Variants in MYO7B observed in about 807,000 individuals in gnomAD.
The protein encoded by MYO7B is myosin VIIB.
Under a neutral mutation model 259.7 loss-of-function variants are expected in MYO7B, and 212 were observed. That is an observed-to-expected ratio of 0.82 (90% CI 0.73 to 0.91). MYO7B has a LOEUF of 0.91. Among genes scored for constraint, MYO7B ranks in the 40% least tolerant of loss-of-function variants. The probability of loss-of-function intolerance (pLI) is 0.00; values close to 1 mark genes in which losing one functional copy is unlikely to be tolerated. For missense variants in MYO7B, 2,732 were observed against 2,813.5 expected, an observed-to-expected ratio of 0.97 and a Z score of 0.66; for synonymous variants, 1,197 against 1,166.4, an observed-to-expected ratio of 1.03 and a Z score of -0.54.
intron 2 of MYO7B, among the ~76,000 whole-genome samples, chr2:127,561,179 T>C (rs1678071324): frequency 6.6e-6 from 1 of 152,154 alleles, no homozygotes; most frequent in South Asian, 2.1e-4. Context: ...AAGCAGAGTT[T>C]AGAAAAACAC....
chr2:127,608,773 A>C lies in MYO7B; in HGVS notation c.2709A>C (p.Arg903Ser). The C allele has an allele frequency of 6.2e-7, 1 of 1,613,572 alleles. No homozygotes were observed. Among genetic ancestry groups the C allele is most frequent in the South Asian group, 1.1e-5 (1 of 91,074 alleles). ...GCGCTCTCCCTGCCAAGAAGCGCAG[A>C]TCCATCTACGACACCGTCACTGACA... is the stretch of plus-strand genomic sequence containing the variant. ...SQGALPAKKR[R>S]SIYDTVTDTE... Residue 903 changes from arginine to serine, a missense_variant, in exon 22 of 48, where the codon AGA becomes AGC. Physicochemically the swap from Arg to Ser is moderately radical, Grantham distance 110 (BLOSUM62 -1). Transcript: ENST00000409816.
chr2:127,630,849 T>C lies in MYO7B; in HGVS notation c.4878T>C (p.Pro1626=). ...AQEGQFTEPR[P]EEPPKEKLHT... is the part of the protein sequence containing the mutation. ...AGGGGCAGTTCACAGAGCCACGTCC[T>C]GAGGAGCCACCCAAGGAAAAGCTGC... The change falls in exon 36 of 48, where the codon CCT becomes CCC. Residue 1626 remains proline (P), a synonymous_variant. Coordinates refer to ENST00000409816, the MANE Select transcript of MYO7B (RefSeq NM_001393586.1). 1 of 1,612,306 alleles carries C rather than the reference T, an allele frequency of 6.2e-7. No homozygotes were observed. Among genetic ancestry groups the C allele is most frequent in the Non-Finnish European group, 8.5e-7 (1 of 1,179,378 alleles).
Position 127,584,780 on chromosome 2 carries a change from G to T in MYO7B, c.1557G>T (p.Gly519=). Residue 519 remains glycine, a splice_region_variant and synonymous_variant, in exon 14 of 48, where the codon GGG becomes GGT. Coordinates refer to ENST00000409816, the MANE Select transcript of MYO7B (RefSeq NM_001393586.1). This position sits in a 1 kb window ranked among gnomAD's most constrained non-coding sequence, Gnocchi z 5.8. ...ACAGGGTGTCTGGGTTCTTCCAGGG[G>T]ACAGATCTCACCATGCTGCAAAAGC... ...LLDEESRFPQ[G]TDLTMLQKLN... is the part of the protein sequence containing the mutation. 1 of 1,613,842 alleles carries T rather than the reference G, an allele frequency of 6.2e-7. No individual in the cohort carries two copies. Among genetic ancestry groups the T allele is most frequent in the South Asian group, 1.1e-5 (1 of 91,068 alleles).
Position 127,586,952 on chromosome 2 carries a change from C to T in MYO7B, c.1691-1440C>T, listed in dbSNP as rs1242426729. Among the ~76,000 whole-genome samples the T allele has an allele frequency of 1.3e-5, 2 of 152,054 alleles. No individual in the cohort carries two copies. Among genetic ancestry groups the T allele is most frequent in the African/African-American group, 4.8e-5 (2 of 41,396 alleles). The stretch of plus-strand genomic sequence containing the variant: ...CGAGTGTCCACCCCCTGCCCAGCAC[C>T]CAGTGCAGCCCCCCTGGTGCTGCTC... On this transcript the variant is annotated intron_variant, in intron 14 of 47. Coordinates refer to ENST00000409816, the MANE Select transcript of MYO7B (RefSeq NM_001393586.1). The surrounding 1 kb of genome is among the most constrained non-coding windows in gnomAD (Gnocchi z 4.8).
At chr2:127,593,719 G>A in intron 18 of MYO7B, 75 bp downstream of exon 18, 3 of 1,382,760 alleles carry the variant, frequency 2.2e-6, no homozygotes, top group Non-Finnish European at 3.1e-6. Context: ...ACCAGGCCCG[G>A]GGTCCATGGT....
chr2:127,536,249 C>G (rs926484825), intron 1 of MYO7B, among the ~76,000 whole-genome samples: 2 of 152,220 alleles, frequency 1.3e-5, no homozygotes, highest in African/African-American at 4.8e-5. Context: ...GTGTGACATC[C>G]CACTGCGTCC....
Position 127,636,152 on chromosome 2 carries a change from A to T in MYO7B, c.6007-56A>T. The T allele has an allele frequency of 7.0e-7, 1 of 1,432,392 alleles. No individual in the cohort carries two copies. The highest frequency in any genetic ancestry group is 9.8e-7 in the Non-Finnish European group (1 of 1,025,566). 88.7% of individuals were successfully genotyped at this position (1,432,392 alleles called of 1,614,324 possible). A position where few individuals can be genotyped will look rare whatever the true frequency, so the allele number is the denominator to read the frequency against. The stretch of plus-strand genomic sequence containing the variant: ...GGGGTAGGCAGGTGCTGCCCCCACC[A>T]GGGCTTTGGAGGGCCTCTGGGCACC... On this transcript the variant is annotated intron_variant, in intron 44 of 47. Transcript: ENST00000409816. The surrounding 1 kb of genome is among the most constrained non-coding windows in gnomAD (Gnocchi z 4.5).
intron 1 of MYO7B, among the ~76,000 whole-genome samples, chr2:127,543,457 T>G (rs1435685974): frequency 6.6e-6 from 1 of 152,214 alleles, no homozygotes; most frequent in East Asian, 1.9e-4. Context: ...GGTAGAAGAA[T>G]TTTTCTTAGT....
At chr2:127,563,991 G>A (rs1346812725) in intron 2 of MYO7B, among the ~76,000 whole-genome samples, 162 bp from the exon 3 acceptor site, 1 of 152,200 alleles carries the variant, frequency 6.6e-6, no homozygotes, top group Non-Finnish European at 1.5e-5. Flanking sequence ...AGTGAGCAGG[G>A]AGAAAGAGAG....
chr2:127,606,325 A>G (rs1376160596), intron 20 of MYO7B, among the ~76,000 whole-genome samples: 1 of 152,208 alleles, frequency 6.6e-6, no homozygotes, highest in Non-Finnish European at 1.5e-5. Context: ...GCTAATGAGT[A>G]TCTGCTCAAA....
rs767006997 is a variant in MYO7B, at chr2:127,569,747, AGTC to A, written c.471-39_471-37del. 125 of 1,579,074 alleles carry A rather than the reference AGTC, an allele frequency of 7.9e-5. 1 individual carries two copies. The African/African-American group carries it at 1.6e-3, about 20-fold the overall frequency. On this transcript the variant is annotated intron_variant, in intron 5 of 47. Coordinates refer to ENST00000409816, the MANE Select transcript of MYO7B (RefSeq NM_001393586.1). ...AGAGTTGAGAGGTGTTGAAAAAAATAGTCGTTTTGTGGCATCATGTCCCTGCAC... is the reference window on the plus strand; with the variant it reads ...AGAGTTGAGAGGTGTTGAAAAAAATAGTTTTGTGGCATCATGTCCCTGCAC...
rs1435254334 is a variant in MYO7B at position 127,621,295 on chromosome 2, ACT to A, written c.3526-684_3526-683del. 3.1e-5 allele frequency among the ~76,000 whole-genome samples: 4 copies of A among 130,982 alleles called. No individual in the cohort carries two copies. The East Asian group carries it at 8.7e-4, about 28-fold the overall frequency. The allele number at this position is 130,982 out of a possible 152,430, so 85.9% of individuals were successfully genotyped here. A position where few individuals can be genotyped will look rare whatever the true frequency, so the allele number is the denominator to read the frequency against. On this transcript the variant is annotated intron_variant, in intron 27 of 47. Coordinates refer to ENST00000409816, the MANE Select transcript of MYO7B (RefSeq NM_001393586.1). ...TTTTTTTTTTTTGAGACGGAGTCTC[ACT>A]CTGTCGCCCAGGCCAGAGTGCAGTG...
At chr2:127,602,760 C>T (rs936769741) in intron 19 of MYO7B, among the ~76,000 whole-genome samples, 3 of 152,044 alleles carry the variant, frequency 2.0e-5, no homozygotes, top group African/African-American at 7.2e-5. Context: ...GCACTGTGAC[C>T]GGCTGAGGCA....
Position 127,627,390 on chromosome 2 carries a change from A to AG in MYO7B, c.4460+84dup. On this transcript the variant is annotated intron_variant, in intron 33 of 47. Transcript: ENST00000409816. This position sits in a 1 kb window ranked among gnomAD's most constrained non-coding sequence, Gnocchi z 5.6. ...TGGGGGCTCGGGGAGAGATGGGGAGAGGGGCAGTGTGCCGTCCCGGGTAAC... is the reference window on the plus strand; with the variant it reads ...TGGGGGCTCGGGGAGAGATGGGGAGAGGGGGCAGTGTGCCGTCCCGGGTAAC... 1 of 607,464 alleles carries AG rather than the reference A, an allele frequency of 1.6e-6. No homozygotes were observed. The highest frequency in any genetic ancestry group is 2.5e-6 in the Non-Finnish European group (1 of 402,160). The allele number at this position is 607,464 out of a possible 1,614,324, so 37.6% of individuals were successfully genotyped here. A position where few individuals can be genotyped will look rare whatever the true frequency, so the allele number is the denominator to read the frequency against.
chr2:127,583,606 G>C (rs1452146241), intron 12 of MYO7B, among the ~76,000 whole-genome samples: 4 of 152,252 alleles, frequency 2.6e-5, no homozygotes, highest in Non-Finnish European at 5.9e-5. Context: ...GGGGGTGGTA[G>C]GTGGAGGGGC....
At chr2:127,593,735 T>G in intron 18 of MYO7B, 91 bp downstream of exon 18, 1 of 1,191,488 alleles carries the variant, frequency 8.4e-7, no homozygotes, top group Non-Finnish European at 1.2e-6. Flanking sequence ...ATGGTCCATG[T>G]GCCCTGAGCC....
At position 127,614,508 on chromosome 2, in the gene MYO7B, T is replaced by A. The variant is rs1263030032; in HGVS notation, c.3398+1905T>A. On this transcript the variant is annotated intron_variant, in intron 26 of 47. Coordinates refer to ENST00000409816, the MANE Select transcript of MYO7B (RefSeq NM_001393586.1). This position sits in a 1 kb window ranked among gnomAD's most constrained non-coding sequence, Gnocchi z 4.6. ...TTCTCCAGGAACAAGCAGGCGCTAA[T>A]GTCTTTGTTCATGGAGGTCCCTAAC... 6.6e-6 allele frequency among the ~76,000 whole-genome samples: 1 copy of A among 152,174 alleles called. No individual in the cohort carries two copies.
rs1553457596 is a variant in MYO7B, at chr2:127,627,344, A to G, written c.4460+34A>G. On this transcript the variant is annotated intron_variant, in intron 33 of 47. Transcript: ENST00000409816. This position sits in a 1 kb window ranked among gnomAD's most constrained non-coding sequence, Gnocchi z 5.6. Reference sequence around the variant, plus strand: ...CCTGAGGGAAGATCTCTTCTTACACACTGAGTCCTTGTGATGCATCTGGGG... The same window carrying G: ...CCTGAGGGAAGATCTCTTCTTACACGCTGAGTCCTTGTGATGCATCTGGGG... The G allele has an allele frequency of 5.0e-6, 8 of 1,591,576 alleles. No homozygotes were observed. In the Admixed American group the frequency reaches 5.1e-5, roughly 10 times the overall value.
In MYO7B at chr2:127,615,362, A is replaced by G. The variant is rs1000991651; in HGVS notation, c.3398+2759A>G. Among the ~76,000 whole-genome samples the G allele has an allele frequency of 6.6e-6, 1 of 152,158 alleles. No homozygotes were observed. Among genetic ancestry groups the G allele is most frequent in the Non-Finnish European group, 1.5e-5 (1 of 68,026 alleles). On this transcript the variant is annotated intron_variant, in intron 26 of 47. Coordinates refer to ENST00000409816, the MANE Select transcript of MYO7B (RefSeq NM_001393586.1). The surrounding 1 kb of genome is among the most constrained non-coding windows in gnomAD (Gnocchi z 4.4). ...TCGTTATGAGACAGAACAAAGGGGGATGAACGTAGAAATGAAAACTGAAGA... is the reference window on the plus strand; with the variant it reads ...TCGTTATGAGACAGAACAAAGGGGGGTGAACGTAGAAATGAAAACTGAAGA...
Sources: gnomAD v4.1 joint callset for allele counts (sites outside exome capture counted in the v4.1 genomes callset) on GRCh38, gnomAD v4.1.1 for gene constraint, Gnocchi (gnomAD v3.1) non-coding constraint, MANE v1.5 for transcripts, NCBI Gene and HGNC (gene_info 2026-07-23, HGNC 2026-07-21) for gene names.